Variants in WWC1 observed in about 807,000 individuals in gnomAD.
WWC1 encodes WW and C2 domain containing 1.
WWC1 carries 55 observed loss-of-function variants against 138.4 expected under a neutral mutation model. That is an observed-to-expected ratio of 0.40 (90% CI 0.32 to 0.50). The LOEUF is 0.50. Ranked by LOEUF, WWC1 falls within the 20% of genes least tolerant of loss-of-function variation. WWC1 has a pLI of 0.72. For synonymous variants in WWC1, 524 were observed against 564.9 expected (o/e 0.93, Z 1.03); for missense variants, 1,226 against 1,420.4 (o/e 0.86, Z 2.20).
intron 1 of WWC1, among the ~76,000 whole-genome samples, chr5:168,296,733 A>G (rs1251390793): frequency 6.6e-6 from 1 of 152,204 alleles, no homozygotes. Context: ...GAACTACCCA[A>G]TGCTCAGGGA....
intron 21 of WWC1, chr5:168,467,619 C>T: frequency 1.7e-6 from 1 of 598,312 alleles, no homozygotes; most frequent in Non-Finnish European, 2.8e-6. Context: ...TCCTCAATTC[C>T]TCAGATCCAC....
intron 1 of WWC1, among the ~76,000 whole-genome samples, chr5:168,368,978 TCTA>T (rs1478009186): frequency 6.6e-6 from 1 of 152,154 alleles, no homozygotes; most frequent in Non-Finnish European, 1.5e-5. Context: ...TTTCCCTCCT[TCTA>T]CTCCAAAATG....
At chr5:168,367,099 C>G (rs1416364175) in intron 1 of WWC1, among the ~76,000 whole-genome samples, 1 of 151,946 alleles carries the variant, frequency 6.6e-6, no homozygotes, top group African/African-American at 2.4e-5. Context: ...ACCCAGCCGA[C>G]TTTGAAACAC....
At chr5:168,455,948 C>G (rs10475881) in intron 19 of WWC1, among the ~76,000 whole-genome samples, 34,209 of 151,946 alleles carry the variant, frequency 0.23, 6,233 homozygotes, top group African/African-American at 0.47. Flanking sequence ...TTTAATTGAA[C>G]CTGTTGCTAC....
intron 19 of WWC1, among the ~76,000 whole-genome samples, chr5:168,459,006 G>A (rs1756568188): frequency 1.3e-5 from 2 of 152,008 alleles, no homozygotes; most frequent in African/African-American, 4.8e-5. Flanking sequence ...GTAATCCCAG[G>A]ACATTGAGAG....
chr5:168,366,064 G>T (rs1200678379), intron 1 of WWC1, among the ~76,000 whole-genome samples: 1 of 152,198 alleles, frequency 6.6e-6, no homozygotes, highest in Admixed American at 6.5e-5. Flanking sequence ...TGCATCCTTA[G>T]CACTTGCCCA....
intron 1 of WWC1, among the ~76,000 whole-genome samples, chr5:168,306,500 T>G (rs2337216): frequency 0.65 from 98,482 of 152,182 alleles, 32,125 homozygotes; most frequent in Middle Eastern, 0.76. Flanking sequence ...GGGTGAAGAA[T>G]CAAAGATATT....
At chr5:168,295,992 C>T (rs1769506313) in intron 1 of WWC1, among the ~76,000 whole-genome samples, 1 of 152,218 alleles carries the variant, frequency 6.6e-6, no homozygotes, top group Non-Finnish European at 1.5e-5. Flanking sequence ...ACAGGCCCTT[C>T]GGGAATCAGG....
Position 168,455,538 on chromosome 5 carries a change from C to T in WWC1, c.2823+18C>T, listed in dbSNP as rs540713629. The T allele has an allele frequency of 6.2e-7, 1 of 1,610,088 alleles. No homozygotes were observed. The highest frequency in any genetic ancestry group is 8.5e-7 in the Non-Finnish European group (1 of 1,178,204). On this transcript the variant is annotated intron_variant, in intron 19 of 22. Transcript: ENST00000265293. ...TGTGCCGGGTAAGTGAGCGTGCGGCCCTCTTCTGCTCCCCTCAGGGTAGCC... is the reference window on the plus strand; with the variant it reads ...TGTGCCGGGTAAGTGAGCGTGCGGCTCTCTTCTGCTCCCCTCAGGGTAGCC...
chr5:168,342,757 C>G lies in WWC1; in HGVS notation c.120-28667C>G, dbSNP rs186592255. Among the ~76,000 whole-genome samples, 407 of 152,136 alleles carry G rather than the reference C, an allele frequency of 2.7e-3. 4 individuals carry two copies. The highest frequency in any genetic ancestry group is 9.3e-3 in the African/African-American group (385 of 41,524). ...GCCATGAAGACCCAGCTAAGGAAAC[C>G]CATGAATGACTGGGATCCACTGGAA... On this transcript the variant is annotated intron_variant, in intron 1 of 22. Transcript: ENST00000265293.
chr5:168,409,833 A>G (rs2152840272), intron 7 of WWC1, 89 bp from the exon 8 acceptor site: 2 of 1,351,354 alleles, frequency 1.5e-6, no homozygotes, highest in Middle Eastern at 1.9e-4. Context: ...TGCCCACGCA[A>G]GCTGTCAAGT....
rs1769195387 is a variant in WWC1 at position 168,292,949 on chromosome 5, AT to A, written c.119+679del. 1.3e-5 allele frequency among the ~76,000 whole-genome samples: 2 copies of A among 152,226 alleles called. No individual in the cohort carries two copies. The highest frequency in any genetic ancestry group is 4.8e-5 in the African/African-American group (2 of 41,536). ...TGGCAGCAACTTGGAAGCTGTTAGG[AT>A]GGAGATGGAGGTGAGAGGCCTCCCG... On this transcript the variant is annotated intron_variant, in intron 1 of 22. Transcript: ENST00000265293. This position sits in a 1 kb window ranked among gnomAD's most constrained non-coding sequence, Gnocchi z 4.4.
intron 3 of WWC1, among the ~76,000 whole-genome samples, chr5:168,389,597 G>GTTTTTTTTTTTTTTTTTTTT (rs55873477): frequency 2.3e-5 from 3 of 129,332 alleles, no homozygotes; most frequent in Non-Finnish European, 4.9e-5. Flanking sequence ...TTGAATTTTT[G>GTTTTTTTTTTTTTTTTTTTT]TTTTTTTTTT....
In WWC1 at chr5:168,292,884, C is replaced by A. The variant is rs1024377896; in HGVS notation, c.119+613C>A. On this transcript the variant is annotated intron_variant, in intron 1 of 22. Transcript: ENST00000265293. The surrounding 1 kb of genome is among the most constrained non-coding windows in gnomAD (Gnocchi z 4.4). The stretch of plus-strand genomic sequence containing the variant: ...CGAGGGTGGGGAGGAAGTGAAGAAG[C>A]GGGGGAGGGCAGATGAGGGAGACTG... Among the ~76,000 whole-genome samples the A allele has an allele frequency of 6.6e-6, 1 of 151,820 alleles. No homozygotes were observed. Among genetic ancestry groups the A allele is most frequent in the African/African-American group, 2.4e-5 (1 of 41,340 alleles).
intron 1 of WWC1, among the ~76,000 whole-genome samples, chr5:168,325,238 C>A (rs1450387087): frequency 1.3e-5 from 2 of 152,218 alleles, no homozygotes; most frequent in Non-Finnish European, 2.9e-5. Context: ...CAGGGTACCC[C>A]ACCCTAGCTT....
At chr5:168,421,044 C>T (rs551638255) in intron 9 of WWC1, among the ~76,000 whole-genome samples, 5 of 152,300 alleles carry the variant, frequency 3.3e-5, no homozygotes, top group South Asian at 2.1e-4. Flanking sequence ...CCAAAGTCTC[C>T]GTGGCTTCAT....
rs1757652401 is a variant in WWC1 at position 168,471,047 on chromosome 5, C to G, written c.*2030C>G. The G allele has an allele frequency of 6.6e-6, 1 of 152,236 alleles. No homozygotes were observed. Among genetic ancestry groups the G allele is most frequent in the Admixed American group, 6.5e-5 (1 of 15,268 alleles). 9.4% of individuals were successfully genotyped at this position (152,236 alleles called of 1,614,324 possible). Reference sequence around the variant, plus strand: ...AGGCCCGCATCCTATTGGTGAGTCACACAGGGAACGCTGAAATTCATGGCC... The same window carrying G: ...AGGCCCGCATCCTATTGGTGAGTCAGACAGGGAACGCTGAAATTCATGGCC... On this transcript the variant is annotated 3_prime_UTR_variant, in exon 23 of 23. Transcript: ENST00000265293.
In WWC1 at chr5:168,408,509, C is replaced by A. The variant is rs1343366783; in HGVS notation, c.723C>A (p.Ser241Arg). 4 of 1,613,992 alleles carry A rather than the reference C, an allele frequency of 2.5e-6. No homozygotes were observed. The South Asian group carries it at 3.3e-5, about 13-fold the overall frequency. Residue 241 changes from serine (S) to arginine (R), a missense_variant and splice_region_variant, in exon 7 of 23, where the codon AGC (serine) becomes AGA (arginine). Ser to Arg is a moderately radical substitution (Grantham distance 110, BLOSUM62 -1). Coordinates refer to ENST00000265293, the MANE Select transcript of WWC1 (RefSeq NM_015238.3). Reference sequence around the variant, plus strand: ...AACCCTGCTCTCCCCTCCTTCAGAGCCTTGCCATGTTGAAGGACGGCTTCC... The same window carrying A: ...AACCCTGCTCTCCCCTCCTTCAGAGACTTGCCATGTTGAAGGACGGCTTCC... Reference protein sequence around the residue: ...GEKEKQDLIKSLAMLKDGFRT... With the variant: ...GEKEKQDLIKRLAMLKDGFRT...
chr5:168,367,333 ATTTAC>A (rs1490374773), intron 1 of WWC1, among the ~76,000 whole-genome samples: 4 of 151,322 alleles, frequency 2.6e-5, no homozygotes, highest in African/African-American at 9.7e-5. Flanking sequence ...TTTTTTATTT[ATTTAC>A]TTATTTATTT....
Sources: gnomAD v4.1 joint callset for allele counts (sites outside exome capture counted in the v4.1 genomes callset) on GRCh38, gnomAD v4.1.1 for gene constraint, Gnocchi (gnomAD v3.1) non-coding constraint, MANE v1.5 for transcripts, NCBI Gene and HGNC (gene_info 2026-07-23, HGNC 2026-07-21) for gene names.